The following MCC variants were observed in gnomAD, a reference collection of about 807,000 sequenced individuals.
MCC encodes the protein colorectal mutant cancer protein.
In MCC, 90 loss-of-function variants were observed where a neutral mutation model predicts 116.2. The ratio of observed to expected loss-of-function variants is 0.77; its 90% CI spans 0.65 to 0.92. The LOEUF is 0.92. MCC is among the 40% of genes least tolerant of loss of function. The pLI is 0.00. For missense variants in MCC, 1,516 were observed against 1,312.2 expected, an observed-to-expected ratio of 1.16 and a Z score of -2.40; for synonymous variants, 578 against 510.5, an observed-to-expected ratio of 1.13 and a Z score of -1.78.
At chr5:113,383,239 C>T (rs1357388204) in intron 2 of MCC, among the ~76,000 whole-genome samples, 10 of 152,124 alleles carry the variant, frequency 6.6e-5, no homozygotes, top group Non-Finnish European at 1.5e-4. Context: ...GGGTGTTCCA[C>T]AATGTACTTA....
At position 113,488,404 on chromosome 5, in the gene MCC, G is replaced by A. The variant is rs2150439614; in HGVS notation, c.11C>T (p.Ala4Val). MMA[A>V]AAAAAAGSSS... ...GCTCCCCGCAGCCGCTGCCGCCGCG[G>A]CCGCCATCATGCGCCCGCTCCCTAC... Residue 4 changes from alanine (A) to valine (V), a missense_variant, in exon 1 of 19, where the codon GCC (alanine) becomes GTC (valine). Transcript: ENST00000408903. The A allele has an allele frequency of 1.4e-6, 2 of 1,396,596 alleles. No homozygotes were observed. Among genetic ancestry groups the A allele is most frequent in the Non-Finnish European group, 1.8e-6 (2 of 1,087,092 alleles). 86.5% of individuals were successfully genotyped at this position (1,396,596 alleles called of 1,614,324 possible).
chr5:113,270,803 C>T (rs558958685), intron 3 of MCC, among the ~76,000 whole-genome samples: 26 of 151,626 alleles, frequency 1.7e-4, no homozygotes, highest in Admixed American at 1.1e-3. Flanking sequence ...TTCATAGATC[C>T]GTGCTTTTTA....
chr5:113,132,427 C>CATAT (rs1162820789), intron 5 of MCC, among the ~76,000 whole-genome samples: 123 of 106,858 alleles, frequency 1.2e-3, no homozygotes, highest in Middle Eastern at 4.7e-3. Flanking sequence ...TACACACATA[C>CATAT]ATATATATAT....
In MCC at chr5:113,027,446, C is replaced by T; in HGVS notation, c.2916G>A (p.Lys972=). ...CTAACTTCTTCAGTTTGTTTTGATG[C>T]TTTTTCTTTGCTTTCTCATAGGCAG... ...LVAAYEKAKK[K]HQNKLKKLES... is the part of the protein sequence containing the mutation. The change falls in exon 19 of 19, where the codon AAG becomes AAA. Residue 972 remains lysine (K), a synonymous_variant. Coordinates refer to ENST00000408903, the MANE Select transcript of MCC (RefSeq NM_001085377.2). 1.2e-6 allele frequency: 2 copies of T among 1,614,180 alleles called. No individual in the cohort carries two copies. The highest frequency in any genetic ancestry group is 2.2e-5 in the East Asian group (1 of 44,880).
chr5:113,371,347 T>C (rs1184239286), intron 2 of MCC, among the ~76,000 whole-genome samples: 1 of 152,236 alleles, frequency 6.6e-6, no homozygotes, highest in African/African-American at 2.4e-5. Flanking sequence ...CTCCATTTCC[T>C]TATCTATCCT....
chr5:113,467,575 T>C (rs1403913122), intron 1 of MCC, among the ~76,000 whole-genome samples: 1 of 152,182 alleles, frequency 6.6e-6, no homozygotes, highest in African/African-American at 2.4e-5. Context: ...CACGCTGTTT[T>C]GGTTACTGTA....
intron 1 of MCC, among the ~76,000 whole-genome samples, chr5:113,426,843 C>G (rs992520384): frequency 6.6e-6 from 1 of 152,118 alleles, no homozygotes; most frequent in African/African-American, 2.4e-5. Flanking sequence ...ATTTCAGAAA[C>G]TTAAAATTCA....
At chr5:113,294,615 G>C (rs1561512295) in intron 3 of MCC, 2 of 1,163,754 alleles carry the variant, frequency 1.7e-6, no homozygotes, top group East Asian at 4.0e-5. Context: ...GCTCGGTGGC[G>C]CGGCGCGCTC....
chr5:113,085,972 G>A (rs979976490), intron 8 of MCC, among the ~76,000 whole-genome samples: 2 of 152,260 alleles, frequency 1.3e-5, no homozygotes, highest in African/African-American at 2.4e-5. Flanking sequence ...TTACCGGCAT[G>A]AGCCACTGTG....
At position 113,197,922 on chromosome 5, in the gene MCC, C is replaced by G. The variant is rs553886547; in HGVS notation, c.628-46500G>C. On this transcript the variant is annotated intron_variant, in intron 3 of 18. Coordinates refer to ENST00000408903, the MANE Select transcript of MCC (RefSeq NM_001085377.2). ...GGCGGAGGAAAGCACAGAGGTGACA[C>G]TCGTGTCATGTGACTACAAGAGTGA... Among the ~76,000 whole-genome samples, 20 of 152,332 alleles carry G rather than the reference C, an allele frequency of 1.3e-4. No individual in the cohort carries two copies. The South Asian group carries it at 3.9e-3, about 30-fold the overall frequency.
intron 14 of MCC, among the ~76,000 whole-genome samples, chr5:113,057,527 C>T (rs1752915081): frequency 6.6e-6 from 1 of 152,202 alleles, no homozygotes; most frequent in Admixed American, 6.5e-5. Context: ...GAAGCAGCAA[C>T]ATCCTGCAGC....
chr5:113,384,871 G>A, intron 2 of MCC, 97 bp downstream of exon 2: 1 of 1,428,940 alleles, frequency 7.0e-7, no homozygotes, highest in South Asian at 1.3e-5. Context: ...TATGAGCTGA[G>A]GCTGTGGCCT....
chr5:113,430,302 T>C (rs189047619), intron 1 of MCC, among the ~76,000 whole-genome samples: 1 of 152,336 alleles, frequency 6.6e-6, no homozygotes, highest in African/African-American at 2.4e-5. Context: ...AAATCTAATT[T>C]TGGACCATGA....
chr5:113,098,364 A>G (rs1326689904), intron 8 of MCC, among the ~76,000 whole-genome samples: 1 of 152,176 alleles, frequency 6.6e-6, no homozygotes, highest in Non-Finnish European at 1.5e-5. Flanking sequence ...TCTCTCCAAC[A>G]TCCTTGAAGC....
chr5:113,073,811 G>A (rs972693505), intron 11 of MCC, among the ~76,000 whole-genome samples: 2 of 152,336 alleles, frequency 1.3e-5, no homozygotes, highest in East Asian at 3.9e-4. Flanking sequence ...CAAACTGCAA[G>A]GCCACAGCGA....
At chr5:113,152,144 C>T (rs1229680521) in intron 3 of MCC, among the ~76,000 whole-genome samples, 3 of 152,144 alleles carry the variant, frequency 2.0e-5, no homozygotes, top group Non-Finnish European at 2.9e-5. Flanking sequence ...GCAGCCATTT[C>T]TCTGGGTTAA....
At chr5:113,141,210 C>A (rs776562607) in intron 5 of MCC, among the ~76,000 whole-genome samples, 1 of 152,210 alleles carries the variant, frequency 6.6e-6, no homozygotes, top group Non-Finnish European at 1.5e-5. Flanking sequence ...GGCTCCGTAG[C>A]CTTTGGACTC....
chr5:113,277,239 G>A (rs1237122701), intron 3 of MCC, among the ~76,000 whole-genome samples: 1 of 151,666 alleles, frequency 6.6e-6, no homozygotes, highest in Non-Finnish European at 1.5e-5. Flanking sequence ...ATCATGGCGG[G>A]CACCTGTAAT....
chr5:113,482,981 G>T (rs1196639048), intron 1 of MCC, among the ~76,000 whole-genome samples: 2 of 152,060 alleles, frequency 1.3e-5, no homozygotes, highest in Non-Finnish European at 2.9e-5. Context: ...CTATCCAGTT[G>T]TCCCCATATC....
Sources: allele counts gnomAD v4.1 joint callset (sites outside exome capture counted in the v4.1 genomes callset), GRCh38; gene constraint gnomAD v4.1.1; transcripts MANE v1.5; gene names NCBI Gene and HGNC (gene_info 2026-07-23, HGNC 2026-07-21).